The following ZNF423 variants were observed in gnomAD, a reference collection of about 807,000 sequenced individuals.
ZNF423 encodes the protein Ebf-associated zinc finger protein.
In ZNF423, 12 loss-of-function variants were observed where a neutral mutation model predicts 95.8. That is an observed-to-expected ratio of 0.13 (90% CI 0.08 to 0.20). The LOEUF (loss-of-function observed/expected upper bound fraction) is 0.20, where lower values mean the gene tolerates loss of function less well. Among genes scored for constraint, ZNF423 ranks in the 10% least tolerant of loss-of-function variants. The probability of loss-of-function intolerance (pLI) is 1.00; values close to 1 mark genes in which losing one functional copy is unlikely to be tolerated. For synonymous variants in ZNF423, 749 were observed against 711.9 expected (o/e 1.05, Z -0.83); for missense variants, 1,316 against 1,737.1 (o/e 0.76, Z 4.31).
At chr16:49,718,328 C>T (rs1019301151) in intron 3 of ZNF423, among the ~76,000 whole-genome samples, 1 of 152,188 alleles carries the variant, frequency 6.6e-6, no homozygotes, top group Middle Eastern at 3.4e-3. Context: ...ATTGCTTGAA[C>T]CAAGGAGGTG....
At position 49,637,278 on chromosome 16, in the gene ZNF423, T is replaced by A; in HGVS notation, c.1898A>T (p.Asn633Ile). ...PKRQRLSASA[N>I]SISNGEYPCN... The stretch of plus-strand genomic sequence containing the variant: ...AGGATACTCCCCATTGGAGATGGAG[T>A]TGGCGCTTGCTGAGAGCCGCTGCCG... Residue 633 changes from asparagine (N) to isoleucine (I), a missense_variant, in exon 4 of 8, where the codon AAC becomes ATC. Around this residue, in one of 6 missense-constraint regions of ZNF423, gnomAD observed 620 missense variants for 775.6 expected, o/e 0.80. Coordinates refer to ENST00000563137, the MANE Select transcript of ZNF423 (RefSeq NM_001379286.1). The surrounding 1 kb of genome is among the most constrained non-coding windows in gnomAD (Gnocchi z 5.6). 1.2e-6 allele frequency: 2 copies of A among 1,614,054 alleles called. No individual in the cohort carries two copies. The highest frequency in any genetic ancestry group is 1.7e-6 in the Non-Finnish European group (2 of 1,179,998).
At chr16:49,748,840 A>G (rs2033576912) in intron 2 of ZNF423, among the ~76,000 whole-genome samples, 1 of 152,174 alleles carries the variant, frequency 6.6e-6, no homozygotes, top group African/African-American at 2.4e-5. Flanking sequence ...AGAGGGTGGT[A>G]GAAGAGGGGT....
chr16:49,578,787 C>T (rs868837456), intron 5 of ZNF423, among the ~76,000 whole-genome samples: 4 of 152,208 alleles, frequency 2.6e-5, no homozygotes, highest in African/African-American at 7.2e-5. Flanking sequence ...TAACCCTGGA[C>T]GGAGGTAGAC....
chr16:49,595,449 A>G (rs1971152105), intron 5 of ZNF423, among the ~76,000 whole-genome samples: 1 of 152,264 alleles, frequency 6.6e-6, no homozygotes, highest in Non-Finnish European at 1.5e-5. Context: ...TCCCAGCCAC[A>G]GACCAGCTTA....
chr16:49,584,026 A>C (rs1463702489), intron 5 of ZNF423, among the ~76,000 whole-genome samples: 2 of 152,222 alleles, frequency 1.3e-5, no homozygotes, highest in African/African-American at 4.8e-5. Context: ...AGCTCTGATA[A>C]CCACAAAGCA....
At chr16:49,734,055 G>T (rs2143423311) in intron 2 of ZNF423, among the ~76,000 whole-genome samples, 1 of 152,354 alleles carries the variant, frequency 6.6e-6, no homozygotes, top group South Asian at 2.1e-4. Context: ...AAGTCCCTGG[G>T]CCTGTTGGAG....
At chr16:49,853,107 G>T (rs980370786) in intron 1 of ZNF423, among the ~76,000 whole-genome samples, 1 of 152,248 alleles carries the variant, frequency 6.6e-6, no homozygotes, top group Non-Finnish European at 1.5e-5. Flanking sequence ...AGTCCACAAA[G>T]CCTCTACATT....
At chr16:49,525,609 G>T in intron 5 of ZNF423, 115 bp from the exon 6 acceptor site, 5 of 1,440,160 alleles carry the variant, frequency 3.5e-6, no homozygotes, top group Non-Finnish European at 4.7e-6. Flanking sequence ...CCAGCACCGG[G>T]GCTGGTGAAG....
chr16:49,688,360 G>T (rs2031650011), intron 3 of ZNF423, among the ~76,000 whole-genome samples: 1 of 152,172 alleles, frequency 6.6e-6, no homozygotes, highest in Non-Finnish European at 1.5e-5. Context: ...TTTGTATCAA[G>T]GGGAGGAGCA....
chr16:49,709,169 T>TTC (rs1555475499), intron 3 of ZNF423, among the ~76,000 whole-genome samples: 1 of 94,578 alleles, frequency 1.1e-5, no homozygotes, highest in Non-Finnish European at 2.2e-5. Flanking sequence ...AGCAGCCGTT[T>TTC]ATATATATAT....
In ZNF423 at chr16:49,637,395, T is replaced by C; in HGVS notation, c.1781A>G (p.Glu594Gly). Residue 594 changes from glutamate to glycine, a missense_variant, in exon 4 of 8, where the codon GAG becomes GGG. Glu to Gly is a moderately conservative substitution (Grantham distance 98). Coordinates refer to ENST00000563137, the MANE Select transcript of ZNF423 (RefSeq NM_001379286.1). This position sits in a 1 kb window ranked among gnomAD's most constrained non-coding sequence, Gnocchi z 5.6. ...SILKLTKHIK[E>G]NHKNIPLAHS... ...GGCCAGTGGAATGTTCTTGTGGTTC[T>C]CCTTGATGTGCTTGGTGAGTTTCAG... 1 of 1,614,238 alleles carries C rather than the reference T, an allele frequency of 6.2e-7. No individual in the cohort carries two copies. The highest frequency in any genetic ancestry group is 1.3e-5 in the African/African-American group (1 of 75,064).
chr16:49,665,431 G>A (rs1438505557), intron 3 of ZNF423, among the ~76,000 whole-genome samples: 2 of 152,150 alleles, frequency 1.3e-5, no homozygotes, highest in Non-Finnish European at 2.9e-5. Flanking sequence ...TGGGGCCTGG[G>A]GGGAGAACAG....
At chr16:49,660,674 T>C (rs1201507770) in intron 3 of ZNF423, among the ~76,000 whole-genome samples, 1 of 152,160 alleles carries the variant, frequency 6.6e-6, no homozygotes, top group Admixed American at 6.5e-5. Context: ...TTTGTTATGA[T>C]TTTATTTGAA....
At position 49,638,994 on chromosome 16, in the gene ZNF423, G is replaced by A. The variant is rs1056757778; in HGVS notation, c.302-120C>T. 9 of 1,444,374 alleles carry A rather than the reference G, an allele frequency of 6.2e-6. No homozygotes were observed. The highest frequency in any genetic ancestry group is 8.2e-6 in the Non-Finnish European group (9 of 1,102,600). 89.5% of individuals were successfully genotyped at this position (1,444,374 alleles called of 1,614,324 possible). ...CTGTGCAGCTGGCCAACGGCTGCAGGGGGCTGTGGGGAGGGGCAGGGGCCG... is the reference window on the plus strand; with the variant it reads ...CTGTGCAGCTGGCCAACGGCTGCAGAGGGCTGTGGGGAGGGGCAGGGGCCG... On this transcript the variant is annotated intron_variant, in intron 3 of 7. Transcript: ENST00000563137. This position sits in a 1 kb window ranked among gnomAD's most constrained non-coding sequence, Gnocchi z 5.6.
At chr16:49,788,465 G>A (rs1200409390) in intron 2 of ZNF423, among the ~76,000 whole-genome samples, 1 of 152,214 alleles carries the variant, frequency 6.6e-6, no homozygotes, top group Non-Finnish European at 1.5e-5. Flanking sequence ...CCACACATTA[G>A]ACACATAACC....
At chr16:49,697,042 G>T (rs1023699709) in intron 3 of ZNF423, among the ~76,000 whole-genome samples, 5 of 152,216 alleles carry the variant, frequency 3.3e-5, no homozygotes, top group South Asian at 2.1e-4. Flanking sequence ...AGTCCATCGT[G>T]GGGGAGGAGG....
chr16:49,681,615 A>G (rs150164272), intron 3 of ZNF423, among the ~76,000 whole-genome samples: 2,626 of 152,314 alleles, frequency 0.017, 30 homozygotes, highest in Non-Finnish European at 0.026. Flanking sequence ...AGGGACTTCA[A>G]AGGGATGGCT....
chr16:49,854,817 G>C, intron 1 of ZNF423: 1 of 985,422 alleles, frequency 1.0e-6, no homozygotes, highest in Non-Finnish European at 1.2e-6. Context: ...AAAGCGTGGA[G>C]ACGAAGGGAT....
chr16:49,664,718 C>T (rs1246105255), intron 3 of ZNF423, among the ~76,000 whole-genome samples: 1 of 152,190 alleles, frequency 6.6e-6, no homozygotes, highest in Non-Finnish European at 1.5e-5. Context: ...CAAATGAAAA[C>T]CAGGCCTTGG....
Sources: allele counts gnomAD v4.1 joint callset (sites outside exome capture counted in the v4.1 genomes callset), GRCh38; gene constraint gnomAD v4.1.1; regional missense constraint gnomAD v4.1.1; non-coding constraint Gnocchi (gnomAD v3.1); transcripts MANE v1.5; gene names NCBI Gene and HGNC (gene_info 2026-07-23, HGNC 2026-07-21).